ACSL6: variants seen among roughly 807,000 people sequenced by gnomAD.
ACSL6 encodes the protein long-chain-fatty-acid--CoA ligase 6.
A neutral mutation model predicts 98.2 loss-of-function variants in ACSL6; 47 were observed. The observed-to-expected ratio is 0.48, with a 90% confidence interval of 0.38 to 0.61. The LOEUF is 0.61. Ranked by LOEUF, ACSL6 falls within the 20% of genes least tolerant of loss-of-function variation. The pLI is 0.00. For missense variants in ACSL6, 761 were observed against 913.4 expected (o/e 0.83, Z 2.15); for synonymous variants, 362 against 336.9 (o/e 1.07, Z -0.82).
At chr5:131,980,050 C>G (rs563305997) in intron 9 of ACSL6, among the ~76,000 whole-genome samples, 1 of 152,302 alleles carries the variant, frequency 6.6e-6, no homozygotes, top group African/African-American at 2.4e-5. Flanking sequence ...CAGGTGACAG[C>G]AGCTGCGGAT....
chr5:131,971,484 T>G, intron 14 of ACSL6, 66 bp downstream of exon 14: 1 of 1,349,138 alleles, frequency 7.4e-7, no homozygotes. Context: ...CAGTAGAGGG[T>G]ATAGTAGTTT....
At chr5:132,004,547 T>C (rs1755282248) in intron 1 of ACSL6, among the ~76,000 whole-genome samples, 1 of 152,174 alleles carries the variant, frequency 6.6e-6, no homozygotes, top group Non-Finnish European at 1.5e-5. Flanking sequence ...TGGTATTCGT[T>C]TGGGCCACAC....
chr5:132,010,436 G>A (rs1307383423), intron 1 of ACSL6, among the ~76,000 whole-genome samples: 1 of 152,132 alleles, frequency 6.6e-6, no homozygotes, highest in East Asian at 1.9e-4. Context: ...TGGTGCCACC[G>A]ACCTCCTAGG....
At chr5:131,976,553 A>G in intron 10 of ACSL6, 95 bp downstream of exon 10, 1 of 1,182,882 alleles carries the variant, frequency 8.5e-7, no homozygotes, top group Non-Finnish European at 1.2e-6. Context: ...AGAAAAAAAA[A>G]AAAAGAAAAA....
At chr5:131,988,980 C>T in intron 5 of ACSL6, 76 bp from the exon 6 acceptor site, 3 of 1,331,538 alleles carry the variant, frequency 2.3e-6, no homozygotes, top group Non-Finnish European at 3.2e-6. Flanking sequence ...CCTAGGTAAC[C>T]AGCGTCCCTG....
intron 17 of ACSL6, among the ~76,000 whole-genome samples, chr5:131,963,375 G>C (rs956639440): frequency 3.3e-5 from 5 of 152,150 alleles, no homozygotes; most frequent in South Asian, 2.1e-4. Context: ...TCCCCTCACC[G>C]CCACTGACAA....
Position 131,973,504 on chromosome 5 carries a change from C to T in ACSL6, c.1069-104G>A, listed in dbSNP as rs1459068516. ...GCCCTACATGGAGGGCACCCATGAC[C>T]CCCTGACCCAGCTCTGGCTGCTGCC... On this transcript the variant is annotated intron_variant, in intron 11 of 20. Coordinates refer to ENST00000651883, the MANE Select transcript of ACSL6 (RefSeq NM_001009185.3). The T allele has an allele frequency of 6.4e-6, 8 of 1,247,688 alleles. No homozygotes were observed. In the Admixed American group the frequency reaches 7.2e-5, roughly 11 times the overall value. 77.3% of individuals were successfully genotyped at this position (1,247,688 alleles called of 1,614,324 possible).
intron 12 of ACSL6, 121 bp from the exon 13 acceptor site, chr5:131,972,979 G>A: frequency 2.2e-6 from 3 of 1,393,690 alleles, no homozygotes; most frequent in Middle Eastern, 1.9e-4. Context: ...GCCCCTGCAG[G>A]AGGTCACTGA....
At chr5:131,994,369 T>C in intron 1 of ACSL6, 118 bp from the exon 2 acceptor site, 1 of 872,844 alleles carries the variant, frequency 1.1e-6, no homozygotes, top group Non-Finnish European at 1.8e-6. Flanking sequence ...CTCGGGGAGT[T>C]GGGATGTACA....
chr5:132,007,892 T>C (rs1421438595), intron 1 of ACSL6, among the ~76,000 whole-genome samples: 1 of 152,236 alleles, frequency 6.6e-6, no homozygotes. Flanking sequence ...TCACCCCATG[T>C]ATGGGACAGT....
chr5:131,969,034 C>G (rs1202906709), intron 15 of ACSL6, among the ~76,000 whole-genome samples: 1 of 152,184 alleles, frequency 6.6e-6, no homozygotes, highest in Non-Finnish European at 1.5e-5. Flanking sequence ...CTGGAAGAAT[C>G]TGCTCTACAT....
chr5:131,988,432 C>T, intron 6 of ACSL6: 1 of 1,374,214 alleles, frequency 7.3e-7, no homozygotes, highest in African/African-American at 1.4e-5. Context: ...GCCATGGAAC[C>T]TCCTCAAGCA....
chr5:131,968,078 G>C (rs1301400219), intron 15 of ACSL6, 50 bp from the exon 16 acceptor site: 1 of 1,534,576 alleles, frequency 6.5e-7, no homozygotes, highest in East Asian at 2.3e-5. Context: ...ATCTGTTTTA[G>C]CACTGAAGAT....
chr5:131,998,904 G>T (rs1035990280), intron 1 of ACSL6, among the ~76,000 whole-genome samples: 1 of 152,096 alleles, frequency 6.6e-6, no homozygotes, highest in African/African-American at 2.4e-5. Flanking sequence ...CATGATCCTC[G>T]GATTCTTCCC....
intron 1 of ACSL6, among the ~76,000 whole-genome samples, chr5:131,997,904 C>A (rs1461039308): frequency 2.6e-5 from 4 of 152,224 alleles, no homozygotes; most frequent in Non-Finnish European, 5.9e-5. Context: ...TCCCTTCAGA[C>A]CTGGGAGCCA....
At chr5:132,005,679 C>T (rs1012656208) in intron 1 of ACSL6, among the ~76,000 whole-genome samples, 2 of 152,214 alleles carry the variant, frequency 1.3e-5, no homozygotes, top group Non-Finnish European at 2.9e-5. Flanking sequence ...GACAGGGGTG[C>T]GTGGGCAGGA....
intron 8 of ACSL6, among the ~76,000 whole-genome samples, chr5:131,986,191 T>C (rs73264092): frequency 0.041 from 6,262 of 152,180 alleles, 346 homozygotes; most frequent in African/African-American, 0.13. Context: ...CCGTGATGTG[T>C]AGGAGATGGG....
In ACSL6 at chr5:131,971,563, G is replaced by A; in HGVS notation, c.1421C>T (p.Ala474Val). 5 of 1,609,818 alleles carry A rather than the reference G, an allele frequency of 3.1e-6. No homozygotes were observed. The highest frequency in any genetic ancestry group is 4.2e-6 in the Non-Finnish European group (5 of 1,177,756). Residue 474 changes from alanine to valine, a missense_variant, in exon 14 of 21, where the codon GCT becomes GTT. Transcript: ENST00000651883. ...SPTVLGFLRAALGCQVYEGYG... is the reference protein window; with the variant it reads ...SPTVLGFLRAVLGCQVYEGYG... ...CAATGACAATACCTGGCACCCTAGA[G>A]CTGCCCGGAGAAATCCCAGAACTGT...
intron 1 of ACSL6, among the ~76,000 whole-genome samples, chr5:132,005,973 T>C (rs1451589347): frequency 1.3e-5 from 2 of 152,318 alleles, no homozygotes; most frequent in Non-Finnish European, 1.5e-5. Context: ...CATTTGCTTA[T>C]ACCAGGGGCT....
Sources: allele counts gnomAD v4.1 joint callset (sites outside exome capture counted in the v4.1 genomes callset), GRCh38; gene constraint gnomAD v4.1.1; transcripts MANE v1.5; gene names NCBI Gene and HGNC (gene_info 2026-07-23, HGNC 2026-07-21).